THSD1: variants seen among roughly 807,000 people sequenced by gnomAD.
THSD1 encodes the protein thrombospondin type 1 domain containing 1.
THSD1 carries 34 observed loss-of-function variants against 46.3 expected under a neutral mutation model. The observed-to-expected ratio is 0.74, with a 90% confidence interval of 0.56 to 0.98. THSD1 has a LOEUF of 0.98. Ranked by LOEUF, THSD1 falls within the 50% of genes least tolerant of loss-of-function variation. THSD1 has a pLI of 0.00. For missense variants in THSD1, 1,023 were observed against 1,058.3 expected, an observed-to-expected ratio of 0.97 and a Z score of 0.46; for synonymous variants, 407 against 416.5, an observed-to-expected ratio of 0.98 and a Z score of 0.28.
At chr13:52,396,367 C>T (rs1030628283) in intron 3 of THSD1, among the ~76,000 whole-genome samples, 1 of 151,972 alleles carries the variant, frequency 6.6e-6, no homozygotes, top group African/African-American at 2.4e-5. Context: ...ACTAAAAATA[C>T]AAAAATTAGC....
At chr13:52,395,855 G>A (rs372702384) in intron 3 of THSD1, among the ~76,000 whole-genome samples, 18 of 152,318 alleles carry the variant, frequency 1.2e-4, no homozygotes, top group African/African-American at 2.6e-4. Context: ...CCTGCCAAGG[G>A]TGAAAGCATG....
In THSD1 at chr13:52,397,331, AC is replaced by A. The variant is rs761641024; in HGVS notation, c.921del (p.Leu307PhefsTer29). ...CAGTACTTATTCTTCCCCATGTCAA[AC>A]AAAGTACAGTTAAAAATTGTCCTCC... is the stretch of plus-strand genomic sequence containing the variant. The part of the protein sequence containing the change: ...GERRTIFNCT[L>X]FDMGKNKYCF... On this transcript the variant is annotated frameshift_variant, in exon 3 of 5. Transcript: ENST00000258613. LOFTEE classifies it high-confidence loss of function. The A allele has an allele frequency of 2.1e-5, 34 of 1,613,994 alleles. No individual in the cohort carries two copies. Among genetic ancestry groups the A allele is most frequent in the Non-Finnish European group, 2.9e-5 (34 of 1,180,020 alleles).
intron 3 of THSD1, among the ~76,000 whole-genome samples, chr13:52,394,051 G>C (rs915703090): frequency 6.6e-6 from 1 of 152,058 alleles, no homozygotes; most frequent in South Asian, 2.1e-4. Flanking sequence ...GGGAGCCCCT[G>C]ACTACCCTCC....
intron 3 of THSD1, among the ~76,000 whole-genome samples, chr13:52,396,985 C>T (rs117635169): frequency 0.022 from 3,307 of 152,228 alleles, 66 homozygotes; most frequent in Non-Finnish European, 0.029. Flanking sequence ...CGTTCAATCT[C>T]CACGACTCTG....
rs1484007534 is a variant in THSD1, at chr13:52,388,999, C to T, written c.1022-2813G>A. 8.6e-5 allele frequency among the ~76,000 whole-genome samples: 13 copies of T among 150,412 alleles called. No individual in the cohort carries two copies. In the East Asian group the frequency reaches 2.2e-3, roughly 25 times the overall value. On this transcript the variant is annotated intron_variant, in intron 3 of 4. Coordinates refer to ENST00000258613, the MANE Select transcript of THSD1 (RefSeq NM_018676.4). ...TTTTTTGAGACAGATCTTGCTCTGT[C>T]GCCCAGGCTGGAGTGCAATGGCGTG...
At chr13:52,395,761 C>G (rs1490464061) in intron 3 of THSD1, among the ~76,000 whole-genome samples, 1 of 152,088 alleles carries the variant, frequency 6.6e-6, no homozygotes, top group South Asian at 2.1e-4. Context: ...TGAAGTGTGC[C>G]TGGATTTGGA....
In THSD1 at chr13:52,397,398, C is replaced by A. The variant is rs769095410; in HGVS notation, c.855G>T (p.Arg285Ser). The change falls in exon 3 of 5, where the codon AGG becomes AGT. Residue 285 changes from arginine to serine, a missense_variant. Physicochemically the swap from Arg to Ser is moderately radical, Grantham distance 110. Coordinates refer to ENST00000258613, the MANE Select transcript of THSD1 (RefSeq NM_018676.4). ...GGCTGTTTTCAGCCAAGTGAATGGTCCTCTTCCCAGGGTATCTGGGGGCCT... is the reference window on the plus strand; with the variant it reads ...GGCTGTTTTCAGCCAAGTGAATGGTACTCTTCCCAGGGTATCTGGGGGCCT... ...FKEAPRYPGK[R>S]TIHLAENSLP... 6.2e-7 allele frequency: 1 copy of A among 1,614,002 alleles called. No homozygotes were observed. Among genetic ancestry groups the A allele is most frequent in the Admixed American group, 1.7e-5 (1 of 59,992 alleles).
intron 3 of THSD1, among the ~76,000 whole-genome samples, chr13:52,394,645 G>A (rs1957799205): frequency 6.6e-6 from 1 of 151,876 alleles, no homozygotes; most frequent in Non-Finnish European, 1.5e-5. Context: ...TCTTAGATGA[G>A]TAAATTCTTT....
chr13:52,400,083 A>C (rs1362559867), intron 2 of THSD1: 1 of 151,356 alleles, frequency 6.6e-6, no homozygotes, highest in Non-Finnish European at 1.5e-5. Flanking sequence ...CCAACTACTA[A>C]ATTTGACTGG....
chr13:52,404,123 T>C (rs1957888759), intron 1 of THSD1, among the ~76,000 whole-genome samples: 1 of 151,786 alleles, frequency 6.6e-6, no homozygotes. Flanking sequence ...AATTTTTGTA[T>C]TTTTAGTAGA....
chr13:52,394,014 C>A (rs1957792367), intron 3 of THSD1, among the ~76,000 whole-genome samples: 1 of 152,188 alleles, frequency 6.6e-6, no homozygotes, highest in Non-Finnish European at 1.5e-5. Flanking sequence ...ATGTGTCTCG[C>A]AGTTGGCTGC....
intron 3 of THSD1, among the ~76,000 whole-genome samples, chr13:52,393,838 G>A (rs561342317): frequency 6.6e-6 from 1 of 152,282 alleles, no homozygotes; most frequent in South Asian, 2.1e-4. Context: ...ACCCAGTTCA[G>A]TCATAAATTT....
chr13:52,401,507 G>A (rs1375304551), intron 2 of THSD1, among the ~76,000 whole-genome samples: 1 of 151,764 alleles, frequency 6.6e-6, no homozygotes, highest in Non-Finnish European at 1.5e-5. Flanking sequence ...CACTATGTTA[G>A]CCAGGATGGT....
chr13:52,393,274 A>G (rs1359565064), intron 3 of THSD1, among the ~76,000 whole-genome samples: 9 of 152,246 alleles, frequency 5.9e-5, no homozygotes, highest in Admixed American at 5.9e-4. Context: ...TAAAACAGTT[A>G]GAACAGTGCC....
Position 52,377,170 on chromosome 13 carries a change from G to A in THSD1, c.*241C>T. 2.4e-6 allele frequency: 3 copies of A among 1,236,376 alleles called. No individual in the cohort carries two copies. The highest frequency in any genetic ancestry group is 3.9e-5 in the Admixed American group (1 of 25,908). The allele number at this position is 1,236,376 out of a possible 1,614,324, so 76.6% of individuals were successfully genotyped here. ...CCACATGACAGACCAAGCCCCATTT[G>A]CTCATTTACATTTTATTATCATTGT... On this transcript the variant is annotated 3_prime_UTR_variant, in exon 5 of 5. Transcript: ENST00000258613.
In THSD1 at chr13:52,377,250, T is replaced by C. The variant is rs531423866; in HGVS notation, c.*161A>G. On this transcript the variant is annotated 3_prime_UTR_variant, in exon 5 of 5. Coordinates refer to ENST00000258613, the MANE Select transcript of THSD1 (RefSeq NM_018676.4). Reference sequence around the variant, plus strand: ...AACAAAGGAAAAAGCTCAAGATAAATAATTTCTTCCTTGTGAATTCAAACA... The same window carrying C: ...AACAAAGGAAAAAGCTCAAGATAAACAATTTCTTCCTTGTGAATTCAAACA... 1.1e-5 allele frequency: 14 copies of C among 1,314,598 alleles called. No homozygotes were observed. In the African/African-American group the frequency reaches 2.1e-4, roughly 19 times the overall value. The allele number at this position is 1,314,598 out of a possible 1,614,324, so 81.4% of individuals were successfully genotyped here.
intron 3 of THSD1, among the ~76,000 whole-genome samples, chr13:52,395,669 A>G (rs539545079): frequency 7.2e-5 from 11 of 152,224 alleles, no homozygotes; most frequent in African/African-American, 2.6e-4. Flanking sequence ...GGCCAAGGAG[A>G]CTGTGAAGAA....
chr13:52,402,573 T>C lies in THSD1; in HGVS notation c.28A>G (p.Asn10Asp), dbSNP rs753326214. Residue 10 changes from asparagine to aspartate, a missense_variant, in exon 2 of 5, where the codon AAT becomes GAT. Coordinates refer to ENST00000258613, the MANE Select transcript of THSD1 (RefSeq NM_018676.4). MKPMLKDFS[N>D]LLLVVLCDYV... ...TCACAGAGTACCACCAACAATAGATTTGAAAAGTCTTTCAACATTGGTTTC... is the reference window on the plus strand; with the variant it reads ...TCACAGAGTACCACCAACAATAGATCTGAAAAGTCTTTCAACATTGGTTTC... The C allele has an allele frequency of 6.2e-7, 1 of 1,614,054 alleles. No homozygotes were observed. The highest frequency in any genetic ancestry group is 8.5e-7 in the Non-Finnish European group (1 of 1,179,966).
intron 3 of THSD1, among the ~76,000 whole-genome samples, chr13:52,388,441 C>A (rs1957749646): frequency 6.6e-6 from 1 of 152,120 alleles, no homozygotes; most frequent in Non-Finnish European, 1.5e-5. Context: ...TAAAATATCA[C>A]TGATAGCCTA....
Sources: gnomAD v4.1 joint callset for allele counts (sites outside exome capture counted in the v4.1 genomes callset) on GRCh38, gnomAD v4.1.1 for gene constraint, MANE v1.5 for transcripts, NCBI Gene and HGNC (gene_info 2026-07-23, HGNC 2026-07-21) for gene names.